AMZ1: variants seen among roughly 807,000 people sequenced by gnomAD.
AMZ1 encodes the protein archaemetzincin-1.
A neutral mutation model predicts 29.9 loss-of-function variants in AMZ1; 39 were observed. That is an observed-to-expected ratio of 1.30 (90% CI 1.01 to 1.70). The LOEUF is 1.70. AMZ1 is among the 40% of genes most tolerant of loss of function. The probability of loss-of-function intolerance (pLI) is 0.00; values close to 1 mark genes in which losing one functional copy is unlikely to be tolerated. For synonymous variants in AMZ1, 458 were observed against 304.0 expected, an observed-to-expected ratio of 1.51 and a Z score of -5.27; for missense variants, 1,041 against 680.6, an observed-to-expected ratio of 1.53 and a Z score of -5.89.
intron 4 of AMZ1, among the ~76,000 whole-genome samples, chr7:2,746,152 G>C (rs1009023255): frequency 1.3e-5 from 2 of 152,164 alleles, no homozygotes; most frequent in Admixed American, 1.3e-4. Context: ...ATTGAATTCA[G>C]CTCTGCACCA....
At chr7:2,742,459 T>G (rs1790555979) in intron 4 of AMZ1, among the ~76,000 whole-genome samples, 1 of 152,216 alleles carries the variant, frequency 6.6e-6, no homozygotes, top group East Asian at 1.9e-4. Flanking sequence ...GACATTCCAC[T>G]GTCAACAAGA....
intron 4 of AMZ1, among the ~76,000 whole-genome samples, chr7:2,757,814 T>C (rs1791374307): frequency 1.3e-5 from 2 of 152,214 alleles, no homozygotes; most frequent in South Asian, 4.1e-4. Flanking sequence ...TACTGAACGC[T>C]TGCTGAGTCA....
At chr7:2,696,276 A>C (rs1349350119) in intron 1 of AMZ1, among the ~76,000 whole-genome samples, 1 of 72,024 alleles carries the variant, frequency 1.4e-5, no homozygotes, top group African/African-American at 5.6e-5. Flanking sequence ...TTTTTTTTTG[A>C]GATGGAGTCT....
At chr7:2,707,903 C>A (rs961854990) in intron 3 of AMZ1, among the ~76,000 whole-genome samples, 1 of 147,010 alleles carries the variant, frequency 6.8e-6, no homozygotes, top group Non-Finnish European at 1.5e-5. Flanking sequence ...AGCTCATTGC[C>A]ACCTCTACCT....
chr7:2,762,688 G>A (rs572247822), upstream of AMZ1: 130 of 1,582,174 alleles, frequency 8.2e-5, 3 homozygotes, highest in South Asian at 1.4e-3. Flanking sequence ...AAGAAACCAC[G>A]CTGCCCGGGT....
chr7:2,732,356 G>C (rs1310585931), intron 4 of AMZ1, among the ~76,000 whole-genome samples: 1 of 152,138 alleles, frequency 6.6e-6, no homozygotes, highest in East Asian at 1.9e-4. Context: ...AGAACAGCCT[G>C]GGCAACATAG....
At chr7:2,724,951 G>T (rs1201860078) in intron 4 of AMZ1, among the ~76,000 whole-genome samples, 1 of 151,828 alleles carries the variant, frequency 6.6e-6, no homozygotes, top group Non-Finnish European at 1.5e-5. Flanking sequence ...CCCAGCGGGT[G>T]GTCTGCTTTT....
At chr7:2,694,261 C>T (rs1400770503) in intron 1 of AMZ1, among the ~76,000 whole-genome samples, 1 of 152,196 alleles carries the variant, frequency 6.6e-6, no homozygotes, top group African/African-American at 2.4e-5. Context: ...TCATTTCCTG[C>T]CTCGCCGCTG....
Position 2,712,618 on chromosome 7 carries a change from A to C in AMZ1, c.1237A>C (p.Met413Leu). 6.2e-7 allele frequency: 1 copy of C among 1,612,926 alleles called. No homozygotes were observed. Among genetic ancestry groups the C allele is most frequent in the East Asian group, 2.2e-5 (1 of 44,876 alleles). Reference protein sequence around the residue: ...AIKEHERWLAMCIQALQREVA... With the variant: ...AIKEHERWLALCIQALQREVA... ...CAAGGAGCATGAACGGTGGCTGGCC[A>C]TGTGCATCCAGGCCCTGCAGCGGGA... Residue 413 changes from methionine to leucine, a missense_variant, in exon 7 of 7, where the codon ATG becomes CTG. Met to Leu is a conservative substitution (Grantham distance 15, BLOSUM62 2). Coordinates refer to ENST00000683327, the MANE Select transcript of AMZ1 (RefSeq NM_001384743.1).
intron 4 of AMZ1, among the ~76,000 whole-genome samples, chr7:2,756,104 T>C (rs968378998): frequency 2.0e-5 from 3 of 152,342 alleles, no homozygotes; most frequent in East Asian, 3.9e-4. Context: ...AAAAGTAATA[T>C]GGATCAACCG....
At chr7:2,742,413 C>T (rs561594738) in intron 4 of AMZ1, among the ~76,000 whole-genome samples, 1 of 152,260 alleles carries the variant, frequency 6.6e-6, no homozygotes, top group Admixed American at 6.5e-5. Context: ...GATGATTTTC[C>T]AGTCAGTGCC....
At chr7:2,755,121 C>T (rs1324110625) in intron 4 of AMZ1, among the ~76,000 whole-genome samples, 2 of 152,104 alleles carry the variant, frequency 1.3e-5, no homozygotes, top group African/African-American at 2.4e-5. Flanking sequence ...TGTCCAGTGA[C>T]CTCGTGTCTC....
At chr7:2,757,128 CCTTTTTTTTTT>C (rs1317709747) in intron 4 of AMZ1, among the ~76,000 whole-genome samples, 38 of 115,134 alleles carry the variant, frequency 3.3e-4, no homozygotes, top group Non-Finnish European at 5.5e-4. Flanking sequence ...ATCAGGTGGG[CCTTTTTTTTTT>C]TTTTTTTTTT....
rs66846250 is a variant in AMZ1 at position 2,719,024 on chromosome 7, TCC to T, written c.*6152_*6153del. On this transcript the variant is annotated 3_prime_UTR_variant, in exon 7 of 7. Transcript: ENST00000683327. Reference sequence around the variant, plus strand: ...AACAGGCGACTTTTTTTTTTTTTTTTCCCCCCCATCTGAAGTGAGATCAAACT... The same window carrying T: ...AACAGGCGACTTTTTTTTTTTTTTTTCCCCCATCTGAAGTGAGATCAAACT... Among the ~76,000 whole-genome samples the T allele has an allele frequency of 2.6e-3, 367 of 142,272 alleles. 6 individuals carry two copies. The highest frequency in any genetic ancestry group is 5.8e-3 in the African/African-American group (220 of 38,176). The allele number at this position is 142,272 out of a possible 152,430, so 93.3% of individuals were successfully genotyped here.
At chr7:2,741,858 G>C (rs1309187693) in intron 4 of AMZ1, among the ~76,000 whole-genome samples, 1 of 150,142 alleles carries the variant, frequency 6.7e-6, no homozygotes, top group Non-Finnish European at 1.5e-5. Flanking sequence ...CATCTAGGAT[G>C]ACTGTCTCAT....
upstream of AMZ1, among the ~76,000 whole-genome samples, chr7:2,687,068 C>A (rs908331287): frequency 1.3e-4 from 20 of 151,892 alleles, no homozygotes; most frequent in African/African-American, 4.6e-4. Context: ...GTGGCTCACG[C>A]CTGTACTCCC....
rs1208555999 is a variant in AMZ1 at position 2,715,027 on chromosome 7, A to G, written c.*2149A>G. On this transcript the variant is annotated 3_prime_UTR_variant, in exon 7 of 7. Transcript: ENST00000683327. Reference sequence around the variant, plus strand: ...GTGACCTGGGAGGTAACTGTGCCAGAATAAAGAGGGGAGACGAAAAAAAGA... The same window carrying G: ...GTGACCTGGGAGGTAACTGTGCCAGGATAAAGAGGGGAGACGAAAAAAAGA... 1 of 152,320 alleles carries G rather than the reference A, an allele frequency of 6.6e-6. No individual in the cohort carries two copies. The highest frequency in any genetic ancestry group is 1.5e-5 in the Non-Finnish European group (1 of 68,040). The allele number at this position is 152,320 out of a possible 1,614,324, so 9.4% of individuals were successfully genotyped here.
chr7:2,682,363 G>C (rs905161368), intron 1 of AMZ1, among the ~76,000 whole-genome samples: 1 of 152,204 alleles, frequency 6.6e-6, no homozygotes, highest in Non-Finnish European at 1.5e-5. Context: ...TGGGCCCCCA[G>C]CACACAGTCC....
At chr7:2,703,704 C>T (rs776242312) in intron 3 of AMZ1, among the ~76,000 whole-genome samples, 2 of 152,222 alleles carry the variant, frequency 1.3e-5, no homozygotes, top group African/African-American at 4.8e-5. Context: ...CTGGGATACT[C>T]TCAGCCATTG....
Sources: gnomAD v4.1 joint callset for allele counts (sites outside exome capture counted in the v4.1 genomes callset) on GRCh38, gnomAD v4.1.1 for gene constraint, MANE v1.5 for transcripts, NCBI Gene and HGNC (gene_info 2026-07-23, HGNC 2026-07-21) for gene names.